SFMBT2: variants seen among roughly 807,000 people sequenced by gnomAD.
SFMBT2 encodes scm-like with four MBT domains protein 2.
SFMBT2 carries 38 observed loss-of-function variants against 110.1 expected under a neutral mutation model. The ratio of observed to expected loss-of-function variants is 0.35; its 90% confidence interval spans 0.27 to 0.45. SFMBT2 has a LOEUF of 0.45. SFMBT2 is among the 20% of genes least tolerant of loss of function. The pLI is 1.00. For synonymous variants in SFMBT2, 425 were observed against 425.4 expected, an observed-to-expected ratio of 1.00 and a Z score of 0.01; for missense variants, 1,011 against 1,094.9, an observed-to-expected ratio of 0.92 and a Z score of 1.08.
At chr10:7,210,835 C>T (rs950614116) in intron 11 of SFMBT2, among the ~76,000 whole-genome samples, 7 of 151,804 alleles carry the variant, frequency 4.6e-5, no homozygotes, top group Non-Finnish European at 8.8e-5. Flanking sequence ...AAACCAAAAA[C>T]GGTGGGCGAA....
intron 6 of SFMBT2, chr10:7,277,465 T>G: frequency 4.1e-6 from 1 of 243,578 alleles, no homozygotes; most frequent in Non-Finnish European, 6.6e-6. Flanking sequence ...CTGCTAAAAA[T>G]AGTCCCTGTA....
chr10:7,339,259 G>GAATA (rs1034361278), intron 4 of SFMBT2, among the ~76,000 whole-genome samples: 1 of 151,896 alleles, frequency 6.6e-6, no homozygotes, highest in Non-Finnish European at 1.5e-5. Context: ...ATAAATAAAT[G>GAATA]AATAAATAAA....
intron 4 of SFMBT2, among the ~76,000 whole-genome samples, chr10:7,314,806 G>T (rs1842939660): frequency 6.6e-6 from 1 of 151,984 alleles, no homozygotes; most frequent in Non-Finnish European, 1.5e-5. Flanking sequence ...TACCTGGGAG[G>T]CTGAGGCAAG....
chr10:7,214,526 T>C, intron 11 of SFMBT2: 1 of 976,698 alleles, frequency 1.0e-6, no homozygotes. Flanking sequence ...GAGCTATCAC[T>C]GCTTCTTGTG....
At chr10:7,402,685 A>G (rs1404488605) in intron 1 of SFMBT2, among the ~76,000 whole-genome samples, 1 of 152,230 alleles carries the variant, frequency 6.6e-6, no homozygotes, top group Non-Finnish European at 1.5e-5. Context: ...CCAGACCAAC[A>G]GTACCACGGA....
chr10:7,176,226 T>G (rs1459579561), intron 16 of SFMBT2, 61 bp from the exon 17 acceptor site: 1 of 1,516,240 alleles, frequency 6.6e-7, no homozygotes, highest in South Asian at 1.2e-5. Flanking sequence ...AGGCCTATTC[T>G]GTACCACACA....
At chr10:7,342,159 A>T (rs1843927633) in intron 4 of SFMBT2, among the ~76,000 whole-genome samples, 1 of 151,862 alleles carries the variant, frequency 6.6e-6, no homozygotes, top group Non-Finnish European at 1.5e-5. Flanking sequence ...CCCAAATACC[A>T]GCGAATTGGA....
chr10:7,207,482 G>A (rs1441457367), intron 11 of SFMBT2: 110 of 151,306 alleles, frequency 7.3e-4, no homozygotes, highest in East Asian at 1.4e-3. Flanking sequence ...AGAAAGGAAG[G>A]AAGGAAGGAA....
chr10:7,309,207 C>T (rs1353138142), intron 4 of SFMBT2, among the ~76,000 whole-genome samples: 1 of 152,230 alleles, frequency 6.6e-6, no homozygotes, highest in Non-Finnish European at 1.5e-5. Context: ...TAACCTTATT[C>T]CTGCAAGGAA....
At chr10:7,279,563 T>C (rs563545861) in intron 6 of SFMBT2, among the ~76,000 whole-genome samples, 5 of 152,282 alleles carry the variant, frequency 3.3e-5, no homozygotes, top group African/African-American at 1.2e-4. Context: ...GGACAATAAA[T>C]AGTACCATTC....
intron 4 of SFMBT2, among the ~76,000 whole-genome samples, chr10:7,319,888 C>CAGAGAGAGACTAAGAG (rs1160839370): frequency 9.0e-6 from 1 of 110,868 alleles, no homozygotes; most frequent in Non-Finnish European, 1.8e-5. Flanking sequence ...GGGAGAGAGA[C>CAGAGAGAGACTAAGAG]AGAGAGACAG....
chr10:7,272,063 G>C (rs1841602569), intron 7 of SFMBT2, among the ~76,000 whole-genome samples: 1 of 152,140 alleles, frequency 6.6e-6, no homozygotes, highest in African/African-American at 2.4e-5. Flanking sequence ...AGCAAGGAGG[G>C]GCACGGAAGG....
chr10:7,352,345 C>A (rs1844350942), intron 4 of SFMBT2, among the ~76,000 whole-genome samples: 2 of 152,160 alleles, frequency 1.3e-5, no homozygotes, highest in South Asian at 2.1e-4. Context: ...TATTTTGAGA[C>A]AGGGTCTCAC....
chr10:7,394,205 G>A (rs1228216054), intron 1 of SFMBT2, among the ~76,000 whole-genome samples: 3 of 151,996 alleles, frequency 2.0e-5, no homozygotes, highest in Non-Finnish European at 4.4e-5. Context: ...TCTCGAATTC[G>A]TGGGCTCAAG....
At chr10:7,203,725 T>G (rs941410515) in intron 12 of SFMBT2, 1 of 969,500 alleles carries the variant, frequency 1.0e-6, no homozygotes, top group East Asian at 1.1e-4. Flanking sequence ...AGCTTTTTTT[T>G]TGTGAGACAG....
chr10:7,364,832 A>T (rs1017603036), intron 4 of SFMBT2, among the ~76,000 whole-genome samples: 2 of 152,190 alleles, frequency 1.3e-5, no homozygotes, highest in Non-Finnish European at 2.9e-5. Flanking sequence ...AGGGGGCACA[A>T]ATGTGTGGCA....
In SFMBT2 at chr10:7,339,923, GAGGGTCAGC is replaced by G. The variant is rs1843837442; in HGVS notation, c.436+27717_436+27725del. ...GGTACAGATGCTAAATGCTGGCCCA[GAGGGTCAGC>G]AGGATGAGCTAGTTTCTAAGTGAAA... On this transcript the variant is annotated intron_variant, in intron 4 of 20. Transcript: ENST00000397167. 2.0e-5 allele frequency among the ~76,000 whole-genome samples: 3 copies of G among 152,302 alleles called. No individual in the cohort carries two copies. In the South Asian group the frequency reaches 6.2e-4, roughly 32 times the overall value.
chr10:7,308,970 G>A (rs1842771870), intron 4 of SFMBT2, among the ~76,000 whole-genome samples: 2 of 152,196 alleles, frequency 1.3e-5, no homozygotes, highest in African/African-American at 2.4e-5. Flanking sequence ...TAGAAAACAT[G>A]TGAAAGGATC....
rs2692799 is a variant in SFMBT2 at position 7,191,647 on chromosome 10, T to C, written c.1699-2914A>G. On this transcript the variant is annotated intron_variant, in intron 15 of 20. Transcript: ENST00000397167. ...GGCCTCTCATGGATAACTTGTCTTA[T>C]TATTAGTATAGGATTATTCCGTAAT... is the stretch of plus-strand genomic sequence containing the variant. Among the ~76,000 whole-genome samples, 612 of 152,332 alleles carry C rather than the reference T, an allele frequency of 4.0e-3. 4 individuals are homozygous for C. Among genetic ancestry groups the C allele is most frequent in the African/African-American group, 0.014 (589 of 41,566 alleles).
Sources: allele counts gnomAD v4.1 joint callset (sites outside exome capture counted in the v4.1 genomes callset), GRCh38; gene constraint gnomAD v4.1.1; transcripts MANE v1.5; gene names NCBI Gene and HGNC (gene_info 2026-07-23, HGNC 2026-07-21).